Variants in PTP4A2 observed in about 807,000 individuals in gnomAD.
PTP4A2 encodes protein tyrosine phosphatase type IVA 2.
PTP4A2 carries 2 observed loss-of-function variants against 22.9 expected under a neutral mutation model. The ratio of observed to expected loss-of-function variants is 0.09; its 90% CI spans 0.04 to 0.27. PTP4A2 has a LOEUF of 0.27. Among genes scored for constraint, PTP4A2 ranks in the 10% least tolerant of loss-of-function variants. The pLI is 1.00. For synonymous variants in PTP4A2, 68 were observed against 69.1 expected, an observed-to-expected ratio of 0.98 and a Z score of 0.08; for missense variants, 103 against 205.1, an observed-to-expected ratio of 0.50 and a Z score of 3.04.
intron 2 of PTP4A2, among the ~76,000 whole-genome samples, chr1:31,918,010 G>A (rs998810304): frequency 2.6e-5 from 4 of 151,118 alleles, no homozygotes; most frequent in Non-Finnish European, 4.4e-5. Flanking sequence ...CAGCACTTTG[G>A]GAGGCCGAGG....
Position 31,938,325 on chromosome 1 carries a change from C to CCGGCCGATCGCGCCGCCACCA in PTP4A2, c.-953_-933dup, listed in dbSNP as rs1653043669. The CCGGCCGATCGCGCCGCCACCA allele has an allele frequency of 6.7e-6, 1 of 149,150 alleles. No individual in the cohort carries two copies. Among genetic ancestry groups the CCGGCCGATCGCGCCGCCACCA allele is most frequent in the South Asian group, 1.8e-4 (1 of 5,608 alleles). 9.2% of individuals were successfully genotyped at this position (149,150 alleles called of 1,614,324 possible). ...CTCCCGGACAGACGACGGTTACAGCCCGGCCGATCGCGCCGCCACCACCAC... is the reference window on the plus strand; with the variant it reads ...CTCCCGGACAGACGACGGTTACAGCCCGGCCGATCGCGCCGCCACCACGGCCGATCGCGCCGCCACCACCAC... On this transcript the variant is annotated 5_prime_UTR_variant, in exon 1 of 6. Coordinates refer to ENST00000647444, the MANE Select transcript of PTP4A2 (RefSeq NM_080391.4). This position sits in a 1 kb window ranked among gnomAD's most constrained non-coding sequence, Gnocchi z 4.4.
At position 31,919,319 on chromosome 1, in the gene PTP4A2, C is replaced by T. The variant is rs896197675; in HGVS notation, c.-254G>A. The T allele has an allele frequency of 8.0e-5, 20 of 248,862 alleles. No individual in the cohort carries two copies. Among genetic ancestry groups the T allele is most frequent in the African/African-American group, 4.4e-4 (19 of 43,668 alleles). The allele number at this position is 248,862 out of a possible 1,614,324, so 15.4% of individuals were successfully genotyped here. A position where few individuals can be genotyped will look rare whatever the true frequency, so the allele number is the denominator to read the frequency against. ...CTCAATTTCTGCAGATGGATACCTT[C>T]GGACTCCAAAAAATCCAACTACATA... On this transcript the variant is annotated 5_prime_UTR_variant, in exon 2 of 6. Coordinates refer to ENST00000647444, the MANE Select transcript of PTP4A2 (RefSeq NM_080391.4).
intron 3 of PTP4A2, among the ~76,000 whole-genome samples, chr1:31,915,259 C>T (rs944744244): frequency 6.6e-6 from 1 of 152,170 alleles, no homozygotes; most frequent in East Asian, 1.9e-4. Flanking sequence ...ATGAACAAAA[C>T]TGCCAATTTG....
At chr1:31,926,710 A>G (rs769662953) in intron 1 of PTP4A2, among the ~76,000 whole-genome samples, 42 of 152,212 alleles carry the variant, frequency 2.8e-4, no homozygotes, top group Non-Finnish European at 5.3e-4. Context: ...TGCAAGAGCA[A>G]TAAGCAAAAC....
At chr1:31,929,770 A>C (rs998593622) in intron 1 of PTP4A2, among the ~76,000 whole-genome samples, 1 of 152,236 alleles carries the variant, frequency 6.6e-6, no homozygotes, top group African/African-American at 2.4e-5. Context: ...TAATTTCATT[A>C]ATAAATAATT....
chr1:31,910,551 C>T (rs1310563518), intron 4 of PTP4A2: 1 of 154,780 alleles, frequency 6.5e-6, no homozygotes, highest in Non-Finnish European at 1.4e-5. Context: ...CTGCCTCCGC[C>T]TCCCAAAGTG....
intron 3 of PTP4A2, 99 bp from the exon 4 acceptor site, chr1:31,911,925 G>C: frequency 1.3e-6 from 1 of 747,942 alleles, no homozygotes; most frequent in Non-Finnish European, 2.1e-6. Context: ...AGGCCTAACT[G>C]AACTAACTGC....
rs184700840 is a variant in PTP4A2 at position 31,912,849 on chromosome 1, T to C, written c.190-1023A>G. On this transcript the variant is annotated intron_variant, in intron 3 of 5. Coordinates refer to ENST00000647444, the MANE Select transcript of PTP4A2 (RefSeq NM_080391.4). ...ATTCTGCATTCATTATTGGCACCAC[T>C]AGAACACTTCATGTAGCCCATTAGC... 7 of 308,254 alleles carry C rather than the reference T, an allele frequency of 2.3e-5. No individual in the cohort carries two copies. The East Asian group carries it at 2.4e-4, about 11-fold the overall frequency. 19.1% of individuals were successfully genotyped at this position (308,254 alleles called of 1,614,324 possible). A position where few individuals can be genotyped will look rare whatever the true frequency, so the allele number is the denominator to read the frequency against.
intron 3 of PTP4A2, chr1:31,913,774 C>CA (rs1328172026): frequency 1.1e-5 from 5 of 455,586 alleles, no homozygotes; most frequent in African/African-American, 1.0e-4. Context: ...TTCTATTTCA[C>CA]AAAGATGTTT....
chr1:31,926,448 T>C (rs866644597), intron 1 of PTP4A2, among the ~76,000 whole-genome samples: 24 of 152,162 alleles, frequency 1.6e-4, no homozygotes, highest in Non-Finnish European at 2.4e-4. Flanking sequence ...TGAGTCAGCT[T>C]GGTTTCAACA....
chr1:31,922,912 G>A (rs997576006), intron 1 of PTP4A2, among the ~76,000 whole-genome samples: 4 of 150,940 alleles, frequency 2.7e-5, no homozygotes, highest in Non-Finnish European at 5.9e-5. Flanking sequence ...ATGAGTCACC[G>A]TGCCCGGCCC....
intron 1 of PTP4A2, among the ~76,000 whole-genome samples, chr1:31,934,660 T>C (rs558754957): frequency 6.6e-6 from 1 of 152,354 alleles, no homozygotes; most frequent in East Asian, 1.9e-4. Context: ...AAAAAGTTAA[T>C]TCTAAAGAAA....
At chr1:31,923,555 C>T (rs1337996889) in intron 1 of PTP4A2, among the ~76,000 whole-genome samples, 6 of 149,094 alleles carry the variant, frequency 4.0e-5, no homozygotes, top group Non-Finnish European at 8.9e-5. Context: ...AGGATGGTCT[C>T]GATCTCCTGA....
At chr1:31,936,834 A>C (rs1346132938) in intron 1 of PTP4A2, among the ~76,000 whole-genome samples, 1 of 152,168 alleles carries the variant, frequency 6.6e-6, no homozygotes, top group African/African-American at 2.4e-5. Context: ...TTCCCTCTGA[A>C]ACTACTCTCT....
intron 1 of PTP4A2, among the ~76,000 whole-genome samples, chr1:31,923,327 C>T (rs1652283917): frequency 6.8e-6 from 1 of 146,570 alleles, no homozygotes; most frequent in South Asian, 2.2e-4. Context: ...CTGCCTCAAC[C>T]TCTTTTTTTT....
intron 1 of PTP4A2, among the ~76,000 whole-genome samples, chr1:31,936,110 T>G (rs146175682): frequency 9.1e-4 from 139 of 152,192 alleles, no homozygotes; most frequent in African/African-American, 3.2e-3. Context: ...TTTCTAACTT[T>G]TAATTACACA....
intron 1 of PTP4A2, among the ~76,000 whole-genome samples, chr1:31,925,787 A>G (rs1243607392): frequency 6.6e-6 from 1 of 151,492 alleles, no homozygotes; most frequent in East Asian, 1.9e-4. Flanking sequence ...ATTTAGAAGT[A>G]TAAGGGAATT....
At chr1:31,918,892 G>A in intron 2 of PTP4A2, 78 bp downstream of exon 2, 2 of 841,726 alleles carry the variant, frequency 2.4e-6, no homozygotes, top group South Asian at 1.4e-5. Flanking sequence ...CAGAATAAAT[G>A]GCTTTGTGCT....
chr1:31,917,544 C>A (rs1651911537), intron 2 of PTP4A2, among the ~76,000 whole-genome samples: 1 of 152,088 alleles, frequency 6.6e-6, no homozygotes, highest in Admixed American at 6.5e-5. Context: ...TGACCTTAAG[C>A]AAGTCAAATC....
Sources: allele counts gnomAD v4.1 joint callset (sites outside exome capture counted in the v4.1 genomes callset), GRCh38; gene constraint gnomAD v4.1.1; non-coding constraint Gnocchi (gnomAD v3.1); transcripts MANE v1.5; gene names NCBI Gene and HGNC (gene_info 2026-07-23, HGNC 2026-07-21).